The following FGFBP3 variants were observed in gnomAD, a reference collection of about 807,000 sequenced individuals.
FGFBP3 encodes fibroblast growth factor-binding protein 3.
In FGFBP3, 4 loss-of-function variants were observed where a neutral mutation model predicts 4.8. The observed-to-expected ratio is 0.83, with a 90% CI of 0.41 to 1.90. The LOEUF is 1.90. FGFBP3 is among the 40% of genes most tolerant of loss of function. The pLI is 0.03. For missense variants in FGFBP3, 429 were observed against 397.4 expected, an observed-to-expected ratio of 1.08 and a Z score of -0.68; for synonymous variants, 215 against 190.0, an observed-to-expected ratio of 1.13 and a Z score of -1.08.
rs947587935 is a variant in FGFBP3, at chr10:91,906,873, G to A, written c.*1320C>T. 6.6e-6 allele frequency: 1 copy of A among 152,162 alleles called. No individual in the cohort carries two copies. Among genetic ancestry groups the A allele is most frequent in the Non-Finnish European group, 1.5e-5 (1 of 68,028 alleles). 9.4% of individuals were successfully genotyped at this position (152,162 alleles called of 1,614,324 possible). ...AGGTGTACTTGGAAGTAGATCAAATGCAGGTAGAATTTCCATTGCCTTGCC... is the reference window on the plus strand; with the variant it reads ...AGGTGTACTTGGAAGTAGATCAAATACAGGTAGAATTTCCATTGCCTTGCC... On this transcript the variant is annotated 3_prime_UTR_variant, in exon 2 of 2. Coordinates refer to ENST00000311575, the MANE Select transcript of FGFBP3 (RefSeq NM_152429.5).
Position 91,908,575 on chromosome 10 carries a change from G to T in FGFBP3, c.395C>A (p.Ala132Asp). The change falls in exon 2 of 2, where the codon GCC becomes GAC. Residue 132 changes from alanine to aspartate, a missense_variant. Transcript: ENST00000311575. ...RPCHDPAPLQ[A>D]RLCAGKKGHG... ...GCCCTTCTTGCCCGCGCACAAGCGG[G>T]CCTGGAGCGGCGCGGGGTCGTGACA... The T allele has an allele frequency of 2.8e-6, 4 of 1,414,658 alleles. No individual in the cohort carries two copies. The highest frequency in any genetic ancestry group is 1.5e-5 in the South Asian group (1 of 67,108). 87.6% of individuals were successfully genotyped at this position (1,414,658 alleles called of 1,614,324 possible). A position where few individuals can be genotyped will look rare whatever the true frequency, so the allele number is the denominator to read the frequency against.
In FGFBP3 at chr10:91,907,484, C is replaced by T. The variant is rs1023582408; in HGVS notation, c.*709G>A. 6.6e-6 allele frequency: 1 copy of T among 151,118 alleles called. No individual in the cohort carries two copies. Among genetic ancestry groups the T allele is most frequent in the Non-Finnish European group, 1.5e-5 (1 of 67,868 alleles). The allele number at this position is 151,118 out of a possible 1,614,324, so 9.4% of individuals were successfully genotyped here. A position where few individuals can be genotyped will look rare whatever the true frequency, so the allele number is the denominator to read the frequency against. Reference sequence around the variant, plus strand: ...TTGGAGACTGCAGTGCCTATTATTACACCTGTGACTAGCCACCGCACTCCA... The same window carrying T: ...TTGGAGACTGCAGTGCCTATTATTATACCTGTGACTAGCCACCGCACTCCA... On this transcript the variant is annotated 3_prime_UTR_variant, in exon 2 of 2. Coordinates refer to ENST00000311575, the MANE Select transcript of FGFBP3 (RefSeq NM_152429.5).
At position 91,908,954 on chromosome 10, in the gene FGFBP3, G is replaced by A. The variant is rs371835191; in HGVS notation, c.16C>T (p.Leu6=). 71 of 1,590,028 alleles carry A rather than the reference G, an allele frequency of 4.5e-5. No individual in the cohort carries two copies. Among genetic ancestry groups the A allele is most frequent in the East Asian group, 4.7e-5 (2 of 42,300 alleles). The change falls in exon 2 of 2, where the codon CTG becomes TTG. Residue 6 remains leucine (L), a synonymous_variant. Coordinates refer to ENST00000311575, the MANE Select transcript of FGFBP3 (RefSeq NM_152429.5). MTPPK[L]RASLSPSLLL... ...AGCGACGGCGACAGCGACGCTCGCA[G>A]CTTCGGAGGAGTCATGCTCCGCGGT... is the stretch of plus-strand genomic sequence containing the variant.
chr10:91,908,440 C>T lies in FGFBP3; in HGVS notation c.530G>A (p.Arg177Gln), dbSNP rs753871709. The T allele has an allele frequency of 2.0e-6, 3 of 1,487,228 alleles. No individual in the cohort carries two copies. The East Asian group carries it at 8.1e-5, about 40-fold the overall frequency. The allele number at this position is 1,487,228 out of a possible 1,614,324, so 92.1% of individuals were successfully genotyped here. A position where few individuals can be genotyped will look rare whatever the true frequency, so the allele number is the denominator to read the frequency against. The change falls in exon 2 of 2, where the codon CGG (arginine) becomes CAG (glutamine). Residue 177 changes from arginine (R) to glutamine (Q), a missense_variant. By Grantham distance (43) the Arg-to-Gln change is conservative (BLOSUM62 1). Transcript: ENST00000311575. ...KPRARNRGRTRERASGPAAGT... is the reference protein window; with the variant it reads ...KPRARNRGRTQERASGPAAGT... ...AGCGGCTGGGCCGGACGCACGCTCC[C>T]GGGTCCGCCCCCGGTTCCGGGCCCG...
chr10:91,908,583 C>T lies in FGFBP3; in HGVS notation c.387G>A (p.Pro129=). 1 of 1,415,792 alleles carries T rather than the reference C, an allele frequency of 7.1e-7. No homozygotes were observed. Among genetic ancestry groups the T allele is most frequent in the Admixed American group, 3.4e-5 (1 of 29,848 alleles). 87.7% of individuals were successfully genotyped at this position (1,415,792 alleles called of 1,614,324 possible). The change falls in exon 2 of 2, where the codon CCG becomes CCA. Residue 129 remains proline (P), a synonymous_variant. Transcript: ENST00000311575. ...KKRRPCHDPA[P]LQARLCAGKK... is the part of the protein sequence containing the mutation. ...TGCCCGCGCACAAGCGGGCCTGGAG[C>T]GGCGCGGGGTCGTGACAGGGCCTCC...
Position 91,908,389 on chromosome 10 carries a change from G to A in FGFBP3, c.581C>T (p.Pro194Leu). ...CCTCTCTGAGGGGTTTTCTTTGGGC[G>A]GTGCGCTTTGGGGAGGCGGGGTCCC... is the stretch of plus-strand genomic sequence containing the variant. ...AAGTPPPQSA[P>L]PKENPSERKT... Residue 194 changes from proline to leucine, a missense_variant, in exon 2 of 2, where the codon CCG becomes CTG. Physicochemically the swap from Pro to Leu is moderately conservative, Grantham distance 98. Transcript: ENST00000311575. The A allele has an allele frequency of 6.4e-7, 1 of 1,557,168 alleles. No homozygotes were observed. The highest frequency in any genetic ancestry group is 8.6e-7 in the Non-Finnish European group (1 of 1,157,164).
Position 91,908,109 on chromosome 10 carries a change from C to A in FGFBP3, c.*84G>T. The stretch of plus-strand genomic sequence containing the variant: ...ACCTGGACTTCTCCCCAATCTCTAT[C>A]ACAGTACCCCCCGGTCTAAGACGCC... On this transcript the variant is annotated 3_prime_UTR_variant, in exon 2 of 2. Transcript: ENST00000311575. The A allele has an allele frequency of 6.8e-7, 1 of 1,473,556 alleles. No homozygotes were observed. The allele number at this position is 1,473,556 out of a possible 1,614,324, so 91.3% of individuals were successfully genotyped here.
rs771569550 is a variant in FGFBP3 at position 91,908,847 on chromosome 10, G to A, written c.123C>T (p.Pro41=). Residue 41 remains proline, a synonymous_variant, in exon 2 of 2, where the codon CCC becomes CCT. Coordinates refer to ENST00000311575, the MANE Select transcript of FGFBP3 (RefSeq NM_152429.5). The part of the protein sequence containing the change: ...GAASNVAEPV[P]GPTGGSSGRF... ...GACCCGAGGAGCCGCCAGTGGGCCC[G>A]GGGACCGGCTCCGCCACGTTGCTAG... The A allele has an allele frequency of 1.6e-4, 249 of 1,545,480 alleles. 1 individual carries two copies. The Middle Eastern group carries it at 2.1e-3, about 13-fold the overall frequency.
chr10:91,908,683 G>A lies in FGFBP3; in HGVS notation c.287C>T (p.Pro96Leu). 1 of 1,422,484 alleles carries A rather than the reference G, an allele frequency of 7.0e-7. No individual in the cohort carries two copies. The allele number at this position is 1,422,484 out of a possible 1,614,324, so 88.1% of individuals were successfully genotyped here. A position where few individuals can be genotyped will look rare whatever the true frequency, so the allele number is the denominator to read the frequency against. The change falls in exon 2 of 2, where the codon CCG becomes CTG. Residue 96 changes from proline to leucine, a missense_variant. Physicochemically the swap from Pro to Leu is moderately conservative, Grantham distance 98. Coordinates refer to ENST00000311575, the MANE Select transcript of FGFBP3 (RefSeq NM_152429.5). ...AGCGGCGTAGGCTGCGCAGCGCTCC[G>A]GATGCCCGCGGTAGGCGCACTGGTG... Reference protein sequence around the residue: ...ARHQCAYRGHPERCAAYAARR... With the variant: ...ARHQCAYRGHLERCAAYAARR...
At position 91,908,547 on chromosome 10, in the gene FGFBP3, G is replaced by T. The variant is rs529040118; in HGVS notation, c.423C>A (p.His141Gln). ...QARLCAGKKG[H>Q]GAELRLVPRA... ...GGGGCACTAGCCGCAGCTCGGCGCCGTGGCCCTTCTTGCCCGCGCACAAGC... is the reference window on the plus strand; with the variant it reads ...GGGGCACTAGCCGCAGCTCGGCGCCTTGGCCCTTCTTGCCCGCGCACAAGC... The change falls in exon 2 of 2, where the codon CAC becomes CAA. Residue 141 changes from histidine to glutamine, a missense_variant. By Grantham distance (24) the His-to-Gln change is conservative. Coordinates refer to ENST00000311575, the MANE Select transcript of FGFBP3 (RefSeq NM_152429.5). 4,765 of 1,385,446 alleles carry T rather than the reference G, an allele frequency of 3.4e-3. 14 individuals are homozygous for T. Among genetic ancestry groups the T allele is most frequent in the Non-Finnish European group, 4.1e-3 (4,453 of 1,077,374 alleles). 85.8% of individuals were successfully genotyped at this position (1,385,446 alleles called of 1,614,324 possible).
Position 91,907,839 on chromosome 10 carries a change from T to G in FGFBP3, c.*354A>C. On this transcript the variant is annotated 3_prime_UTR_variant, in exon 2 of 2. Transcript: ENST00000311575. Reference sequence around the variant, plus strand: ...TCCCCCTCCCCACATGGGACTCACATCACTTTAGTCACTCTATCTCCCCCT... The same window carrying G: ...TCCCCCTCCCCACATGGGACTCACAGCACTTTAGTCACTCTATCTCCCCCT... The G allele has an allele frequency of 1.9e-5, 4 of 215,394 alleles. No individual in the cohort carries two copies. The highest frequency in any genetic ancestry group is 1.2e-4 in the East Asian group (1 of 8,130). The allele number at this position is 215,394 out of a possible 1,614,324, so 13.3% of individuals were successfully genotyped here.
chr10:91,909,059 G>A lies in FGFBP3; in HGVS notation c.-78-12C>T, dbSNP rs1026773205. ...GCATTCCCCAGGACCTGCGGACAGA[G>A]GCAGAGACTGCCACCAACTGAGCCA... On this transcript the variant is annotated splice_polypyrimidine_tract_variant and intron_variant, in intron 1 of 1. Transcript: ENST00000311575. The A allele has an allele frequency of 1.0e-5, 14 of 1,405,284 alleles. No homozygotes were observed. In the East Asian group the frequency reaches 3.6e-4, roughly 36 times the overall value. The allele number at this position is 1,405,284 out of a possible 1,614,324, so 87.1% of individuals were successfully genotyped here.
chr10:91,908,425 C>T lies in FGFBP3; in HGVS notation c.545G>A (p.Gly182Asp), dbSNP rs772292050. 5.3e-6 allele frequency: 8 copies of T among 1,509,736 alleles called. No homozygotes were observed. In the East Asian group the frequency reaches 1.9e-4, roughly 35 times the overall value. 93.5% of individuals were successfully genotyped at this position (1,509,736 alleles called of 1,614,324 possible). Residue 182 changes from glycine to aspartate, a missense_variant, in exon 2 of 2, where the codon GGC (glycine) becomes GAC (aspartate). Transcript: ENST00000311575. ...GGGAGGCGGGGTCCCAGCGGCTGGG[C>T]CGGACGCACGCTCCCGGGTCCGCCC... Reference protein sequence around the residue: ...NRGRTRERASGPAAGTPPPQS... With the variant: ...NRGRTRERASDPAAGTPPPQS...
Position 91,907,072 on chromosome 10 carries a change from T to A in FGFBP3, c.*1121A>T, listed in dbSNP as rs1251947840. 1 of 151,936 alleles carries A rather than the reference T, an allele frequency of 6.6e-6. No individual in the cohort carries two copies. The highest frequency in any genetic ancestry group is 2.4e-5 in the African/African-American group (1 of 41,364). The allele number at this position is 151,936 out of a possible 1,614,324, so 9.4% of individuals were successfully genotyped here. A position where few individuals can be genotyped will look rare whatever the true frequency, so the allele number is the denominator to read the frequency against. On this transcript the variant is annotated 3_prime_UTR_variant, in exon 2 of 2. Coordinates refer to ENST00000311575, the MANE Select transcript of FGFBP3 (RefSeq NM_152429.5). ...AGATACATACTTACATTTTAGCTGT[T>A]TAAAAAAAAAAATCAGATATAAAGA...
At position 91,908,087 on chromosome 10, in the gene FGFBP3, T is replaced by A; in HGVS notation, c.*106A>T. On this transcript the variant is annotated 3_prime_UTR_variant, in exon 2 of 2. Coordinates refer to ENST00000311575, the MANE Select transcript of FGFBP3 (RefSeq NM_152429.5). The stretch of plus-strand genomic sequence containing the variant: ...TTGCCCCCACCCCCATTCGAGAACC[T>A]GGACTTCTCCCCAATCTCTATCACA... 115 of 1,214,046 alleles carry A rather than the reference T, an allele frequency of 9.5e-5. No individual in the cohort carries two copies. Among genetic ancestry groups the A allele is most frequent in the Non-Finnish European group, 1.1e-4 (103 of 901,576 alleles). The allele number at this position is 1,214,046 out of a possible 1,614,324, so 75.2% of individuals were successfully genotyped here.
rs899516770 is a variant in FGFBP3 at position 91,908,604 on chromosome 10, C to G, written c.366G>C (p.Arg122Ser). Residue 122 changes from arginine to serine, a missense_variant, in exon 2 of 2, where the codon AGG (arginine) becomes AGC (serine). Physicochemically the swap from Arg to Ser is moderately radical, Grantham distance 110 (BLOSUM62 -1). Coordinates refer to ENST00000311575, the MANE Select transcript of FGFBP3 (RefSeq NM_152429.5). ...QVLGGLRKKR[R>S]PCHDPAPLQA... is the part of the protein sequence containing the mutation. ...GGAGCGGCGCGGGGTCGTGACAGGG[C>G]CTCCGCTTCTTGCGCAGCCCTCCCA... is the stretch of plus-strand genomic sequence containing the variant. 1.4e-6 allele frequency: 2 copies of G among 1,428,316 alleles called. No individual in the cohort carries two copies. The highest frequency in any genetic ancestry group is 1.8e-6 in the Non-Finnish European group (2 of 1,096,340). 88.5% of individuals were successfully genotyped at this position (1,428,316 alleles called of 1,614,324 possible).
Position 91,908,832 on chromosome 10 carries a change from G to C in FGFBP3, c.138C>G (p.Gly46=). The change falls in exon 2 of 2, where the codon GGC becomes GGG. Residue 46 remains glycine, a synonymous_variant. Transcript: ENST00000311575. ...VAEPVPGPTG[G]SSGRFLSPEQ... ...CGGGGCTGAGGAAGCGACCCGAGGAGCCGCCAGTGGGCCCGGGGACCGGCT... is the reference window on the plus strand; with the variant it reads ...CGGGGCTGAGGAAGCGACCCGAGGACCCGCCAGTGGGCCCGGGGACCGGCT... 1 of 1,534,130 alleles carries C rather than the reference G, an allele frequency of 6.5e-7. No homozygotes were observed. The highest frequency in any genetic ancestry group is 8.7e-7 in the Non-Finnish European group (1 of 1,147,442).
chr10:91,907,942 T>G lies in FGFBP3; in HGVS notation c.*251A>C. The G allele has an allele frequency of 2.2e-6, 1 of 459,462 alleles. No homozygotes were observed. The allele number at this position is 459,462 out of a possible 1,614,324, so 28.5% of individuals were successfully genotyped here. On this transcript the variant is annotated 3_prime_UTR_variant, in exon 2 of 2. Coordinates refer to ENST00000311575, the MANE Select transcript of FGFBP3 (RefSeq NM_152429.5). ...ACATTTAAAGTACGCCTATTTCTGT[T>G]TCCATTATTTTTCCTGCTCTTAATC...
chr10:91,909,315 T>A (rs925432198), intron 1 of FGFBP3, 83 bp downstream of exon 1: 1 of 311,812 alleles, frequency 3.2e-6, no homozygotes, highest in Non-Finnish European at 5.9e-6. Flanking sequence ...ATTTTCTCCC[T>A]TCTCCAACCT....
Sources: gnomAD v4.1 joint callset for allele counts on GRCh38, gnomAD v4.1.1 for gene constraint, MANE v1.5 for transcripts, NCBI Gene and HGNC (gene_info 2026-07-23, HGNC 2026-07-21) for gene names.